The following PATJ variants were observed in gnomAD, a reference collection of about 807,000 sequenced individuals.
PATJ encodes the protein inaD-like protein.
In PATJ, 190 loss-of-function variants were observed where a neutral mutation model predicts 224.9. The ratio of observed to expected loss-of-function variants is 0.84; its 90% confidence interval spans 0.75 to 0.95. PATJ has a LOEUF of 0.95. PATJ is among the 40% of genes least tolerant of loss of function. The pLI is 0.00. For missense variants in PATJ, 2,121 were observed against 2,270.3 expected (o/e 0.93, Z 1.34); for synonymous variants, 769 against 820.3 (o/e 0.94, Z 1.07).
rs549121405 is a variant in PATJ at position 61,952,384 on chromosome 1, A to G, written c.3670+24555A>G. 9 of 717,190 alleles carry G rather than the reference A, an allele frequency of 1.3e-5. No homozygotes were observed. The East Asian group carries it at 2.1e-4, about 17-fold the overall frequency. 44.4% of individuals were successfully genotyped at this position (717,190 alleles called of 1,614,324 possible). A position where few individuals can be genotyped will look rare whatever the true frequency, so the allele number is the denominator to read the frequency against. ...GGAATGCAGATACCCTGAAGGGAAC[A>G]CAACAATGGTCCAAGGGGGTTTCCC... is the stretch of plus-strand genomic sequence containing the variant. On this transcript the variant is annotated intron_variant, in intron 27 of 43. Coordinates refer to ENST00000642238, the MANE Select transcript of PATJ (RefSeq NM_001350145.3).
intron 11 of PATJ, among the ~76,000 whole-genome samples, chr1:61,799,896 T>G (rs2148574750): frequency 6.6e-6 from 1 of 152,344 alleles, no homozygotes; most frequent in South Asian, 2.1e-4. Context: ...ATTTCATTCT[T>G]TTTATGCCTG....
chr1:62,135,974 G>A (rs996043760), intron 41 of PATJ, among the ~76,000 whole-genome samples: 3 of 143,628 alleles, frequency 2.1e-5, no homozygotes, highest in Non-Finnish European at 3.0e-5. Flanking sequence ...TGCCCTTTTC[G>A]AATTTTACTC....
chr1:61,917,780 G>A (rs1168870218), intron 26 of PATJ, among the ~76,000 whole-genome samples: 1 of 152,156 alleles, frequency 6.6e-6, no homozygotes, highest in African/African-American at 2.4e-5. Context: ...TTGGCCAGGT[G>A]TGGTGGCTCA....
chr1:61,893,474 T>C (rs1438189599), intron 22 of PATJ, among the ~76,000 whole-genome samples: 1 of 128,984 alleles, frequency 7.8e-6, no homozygotes, highest in Non-Finnish European at 1.6e-5. Flanking sequence ...CTTTCCCTTC[T>C]ATTTTAGGGT....
intron 33 of PATJ, among the ~76,000 whole-genome samples, chr1:62,090,193 G>GA (rs1052811353): frequency 8.5e-5 from 13 of 152,252 alleles, no homozygotes; most frequent in African/African-American, 2.9e-4. Flanking sequence ...AACCTCTTGG[G>GA]AAGGTTTACA....
intron 39 of PATJ, among the ~76,000 whole-genome samples, chr1:62,124,420 G>A (rs2094829): frequency 1.9e-3 from 294 of 152,234 alleles, no homozygotes; most frequent in African/African-American, 6.9e-3. Context: ...TGACCTAAAT[G>A]AGGGGTTCAA....
At chr1:62,143,770 T>G (rs1350758276) in intron 41 of PATJ, among the ~76,000 whole-genome samples, 1 of 152,170 alleles carries the variant, frequency 6.6e-6, no homozygotes, top group East Asian at 1.9e-4. Flanking sequence ...TGTGAGCACG[T>G]TGGAATGTAA....
Position 61,862,559 on chromosome 1 carries a change from C to T in PATJ, c.2439+892C>T, listed in dbSNP as rs182821264. Among the ~76,000 whole-genome samples the T allele has an allele frequency of 1.6e-3, 239 of 152,176 alleles. 1 individual carries two copies. The highest frequency in any genetic ancestry group is 5.4e-3 in the African/African-American group (223 of 41,502). On this transcript the variant is annotated intron_variant, in intron 19 of 43. Coordinates refer to ENST00000642238, the MANE Select transcript of PATJ (RefSeq NM_001350145.3). ...ATTGCCTCTCTAAATGATAAAGGCA[C>T]GACGTAAAGCATTTTCAAAGAACAA...
intron 16 of PATJ, among the ~76,000 whole-genome samples, chr1:61,829,312 T>G (rs889656583): frequency 6.6e-6 from 1 of 152,218 alleles, no homozygotes; most frequent in Non-Finnish European, 1.5e-5. Flanking sequence ...GTTTAACTTG[T>G]GTAAAAACTA....
chr1:61,832,769 A>G (rs1314360397), intron 16 of PATJ, among the ~76,000 whole-genome samples: 1 of 152,132 alleles, frequency 6.6e-6, no homozygotes, highest in African/African-American at 2.4e-5. Context: ...TGAGCTTCAG[A>G]TAGAAGTTTA....
At chr1:61,813,334 C>CAT (rs747640923) in intron 14 of PATJ, among the ~76,000 whole-genome samples, 885 of 62,470 alleles carry the variant, frequency 0.014, 6 homozygotes, top group East Asian at 0.033. Context: ...ATGGAATGTA[C>CAT]ATATATATAT....
At chr1:61,945,058 C>A (rs1678454271) in intron 27 of PATJ, among the ~76,000 whole-genome samples, 1 of 152,190 alleles carries the variant, frequency 6.6e-6, no homozygotes, top group Non-Finnish European at 1.5e-5. Context: ...GCCTGCCTTA[C>A]AAGAGCTCCT....
rs148389720 is a variant in PATJ at position 61,980,437 on chromosome 1, TTGTGTGTGTGTGTG to T, written c.3671-9702_3671-9689del. Among the ~76,000 whole-genome samples, 627 of 129,694 alleles carry T rather than the reference TTGTGTGTGTGTGTG, an allele frequency of 4.8e-3. 9 individuals carry two copies. Among genetic ancestry groups the T allele is most frequent in the South Asian group, 0.026 (86 of 3,360 alleles). The allele number at this position is 129,694 out of a possible 152,430, so 85.1% of individuals were successfully genotyped here. ...TGCCAAAAGCTAGTACTTATATAAT[TTGTGTGTGTGTGTG>T]TGTGTGTGTGTGTGTGTGTGTGTGT... On this transcript the variant is annotated intron_variant, in intron 27 of 43. Coordinates refer to ENST00000642238, the MANE Select transcript of PATJ (RefSeq NM_001350145.3).
intron 28 of PATJ, among the ~76,000 whole-genome samples, chr1:61,996,781 C>T (rs1186294371): frequency 5.4e-5 from 7 of 128,500 alleles, no homozygotes; most frequent in Admixed American, 9.4e-5. Context: ...CTTGCTCTAT[C>T]GCCCAGGCTG....
chr1:61,772,874 C>T (rs151165571), intron 6 of PATJ, among the ~76,000 whole-genome samples: 1 of 152,076 alleles, frequency 6.6e-6, no homozygotes, highest in Admixed American at 6.6e-5. Context: ...TGAGAAGGCA[C>T]GTGAAGAACT....
intron 28 of PATJ, among the ~76,000 whole-genome samples, chr1:62,011,204 A>G (rs2148327491): frequency 6.6e-6 from 1 of 152,276 alleles, no homozygotes; most frequent in African/African-American, 2.4e-5. Context: ...TTTCCTTTGC[A>G]TTCACAACTT....
At chr1:62,023,586 A>C (rs1024652769) in intron 29 of PATJ, among the ~76,000 whole-genome samples, 2 of 152,212 alleles carry the variant, frequency 1.3e-5, no homozygotes, top group African/African-American at 4.8e-5. Context: ...CATCTGATGT[A>C]GTCTTTGGGG....
intron 28 of PATJ, among the ~76,000 whole-genome samples, chr1:62,008,585 C>T (rs962300235): frequency 2.8e-5 from 4 of 144,330 alleles, no homozygotes; most frequent in African/African-American, 5.3e-5. Flanking sequence ...GGCAAGACCC[C>T]GTCTTTATAA....
chr1:61,841,564 A>G (rs1661088086), intron 17 of PATJ, among the ~76,000 whole-genome samples: 1 of 149,680 alleles, frequency 6.7e-6, no homozygotes, highest in Admixed American at 6.7e-5. Flanking sequence ...ATCTTATAAC[A>G]TGGCCACTGA....
Sources: allele counts gnomAD v4.1 joint callset (sites outside exome capture counted in the v4.1 genomes callset), GRCh38; gene constraint gnomAD v4.1.1; transcripts MANE v1.5; gene names NCBI Gene and HGNC (gene_info 2026-07-23, HGNC 2026-07-21).